The following HUWE1 variants were observed in gnomAD, a reference collection of about 807,000 sequenced individuals.
HUWE1 encodes the protein HECT, UBA and WWE domain containing E3 ubiquitin protein ligase 1.
HUWE1 carries 18 observed loss-of-function variants against 299.4 expected under a neutral mutation model. The ratio of observed to expected loss-of-function variants is 0.06; its 90% CI spans 0.04 to 0.09. The LOEUF (loss-of-function observed/expected upper bound fraction) is 0.09. Ranked by LOEUF, HUWE1 falls within the 10% of genes least tolerant of loss-of-function variation. HUWE1 has a pLI of 1.00. For missense variants in HUWE1, 1,832 were observed against 3,462.3 expected (o/e 0.53, Z 11.82); for synonymous variants, 1,317 against 1,286.1 (o/e 1.02, Z -0.51).
chrX:53,644,171 T>C (rs1244888618), intron 7 of HUWE1, among the ~76,000 whole-genome samples: 4 of 112,479 alleles, frequency 3.6e-5, no homozygotes, highest in Non-Finnish European at 7.5e-5. Flanking sequence ...TCTTTTCTGT[T>C]GGTTAGCATC....
At chrX:53,604,034 C>T (rs1263770407) in intron 26 of HUWE1, among the ~76,000 whole-genome samples, 1 of 111,455 alleles carries the variant, frequency 9.0e-6, no homozygotes, top group East Asian at 2.8e-4. Context: ...TAACAGAGAA[C>T]ACACTCCTGC....
chrX:53,607,756 C>T (rs1254814370), intron 24 of HUWE1, 57 bp from the exon 25 acceptor site: 3 of 799,141 alleles, frequency 3.8e-6, no homozygotes, highest in Non-Finnish European at 5.6e-6. Flanking sequence ...ACTAAATGGC[C>T]AGCCTGGAAT....
At chrX:53,625,085 G>C in intron 18 of HUWE1, 72 bp downstream of exon 18, 1 of 678,029 alleles carries the variant, frequency 1.5e-6, no homozygotes, top group Non-Finnish European at 2.4e-6. Flanking sequence ...ACAGGTGCCA[G>C]AATAGTATGA....
At chrX:53,675,627 TGTTAA>T (rs1384892661) in intron 3 of HUWE1, among the ~76,000 whole-genome samples, 1 of 111,388 alleles carries the variant, frequency 9.0e-6, no homozygotes, top group Non-Finnish European at 1.9e-5. Flanking sequence ...GTAAATGTTA[TGTTAA>T]AAGAAAAAAA....
In HUWE1 at chrX:53,593,568, T is replaced by A; in HGVS notation, c.3537A>T (p.Lys1179Asn). 8.3e-7 allele frequency: 1 copy of A among 1,209,228 alleles called. No homozygotes were observed. Among genetic ancestry groups the A allele is most frequent in the Non-Finnish European group, 1.1e-6 (1 of 893,124 alleles). The change falls in exon 32 of 84, where the codon AAA (lysine) becomes AAT (asparagine). Residue 1179 changes from lysine to asparagine, a missense_variant. Coordinates refer to ENST00000262854, the MANE Select transcript of HUWE1 (RefSeq NM_031407.7). ...TFNWALSMGG[K>N]VPVSEGLEHS... The stretch of plus-strand genomic sequence containing the variant: ...GTTCCAATCCCTCAGAAACAGGAAC[T>A]TTACCTCCCATGGACAGAGCCCAGT...
At chrX:53,558,081 T>C (rs2062111041) in intron 59 of HUWE1, among the ~76,000 whole-genome samples, 1 of 112,116 alleles carries the variant, frequency 8.9e-6, no homozygotes, top group Non-Finnish European at 1.9e-5. Context: ...TACTCAGACA[T>C]TTAAAAGATC....
intron 25 of HUWE1, among the ~76,000 whole-genome samples, chrX:53,606,827 G>C (rs781979152): frequency 1.8e-5 from 2 of 111,211 alleles, no homozygotes; most frequent in Non-Finnish European, 3.8e-5. Context: ...TGGGGAGAGG[G>C]GAGGATGAGA....
chrX:53,535,373 A>G lies in HUWE1; in HGVS notation c.12649+11T>C, dbSNP rs782301249. Reference sequence around the variant, plus strand: ...ATTGAGCAACTAGAGGTCTAGGAACATTTCCCCTACCTGTCATTCTCATCT... The same window carrying G: ...ATTGAGCAACTAGAGGTCTAGGAACGTTTCCCCTACCTGTCATTCTCATCT... On this transcript the variant is annotated intron_variant, in intron 81 of 83. Transcript: ENST00000262854. 4 of 1,069,101 alleles carry G rather than the reference A, an allele frequency of 3.7e-6. No individual in the cohort carries two copies. Among genetic ancestry groups the G allele is most frequent in the Non-Finnish European group, 3.9e-6 (3 of 766,538 alleles). 88.1% of individuals were successfully genotyped at this position (1,069,101 alleles called of 1,213,427 possible).
At position 53,537,678 on chromosome X, in the gene HUWE1, C is replaced by T; in HGVS notation, c.12015G>A (p.Leu4005=). The change falls in exon 78 of 84, where the codon CTG becomes CTA. Residue 4005 remains leucine (L), a synonymous_variant. Transcript: ENST00000262854. ...TCCGGAGCCCCTCATCTAAACGCTC[C>T]AGCTCTTGGCGGAAATATCTTGGGA... ...DVKRKYFRQE[L]ERLDEGLRKE... 1.1e-5 allele frequency: 13 copies of T among 1,208,855 alleles called. No individual in the cohort carries two copies. The highest frequency in any genetic ancestry group is 1.5e-5 in the Non-Finnish European group (13 of 893,968).
At chrX:53,593,281 T>G (rs2064262912) in intron 32 of HUWE1, 83 bp downstream of exon 32, 1 of 705,205 alleles carries the variant, frequency 1.4e-6, no homozygotes, top group Non-Finnish European at 2.3e-6. Context: ...AATAAGCATG[T>G]TATTTCATTA....
intron 61 of HUWE1, 145 bp downstream of exon 61, chrX:53,554,488 G>T: frequency 1.7e-6 from 1 of 573,095 alleles, no homozygotes; most frequent in Non-Finnish European, 2.8e-6. Flanking sequence ...CTTCACTTAA[G>T]AAAGTGAATG....
chrX:53,626,467 CTGAA>C (rs1569498785), intron 17 of HUWE1, among the ~76,000 whole-genome samples: 1 of 111,538 alleles, frequency 9.0e-6, no homozygotes, highest in East Asian at 2.8e-4. Flanking sequence ...CTATGAAACA[CTGAA>C]TGAGCAATGC....
intron 3 of HUWE1, among the ~76,000 whole-genome samples, chrX:53,657,610 TTATA>T (rs1269267891): frequency 8.9e-6 from 1 of 112,041 alleles, no homozygotes; most frequent in Non-Finnish European, 1.9e-5. Flanking sequence ...GAAATAAAAA[TTATA>T]AAGATTGGGA....
chrX:53,559,388 A>G lies in HUWE1; in HGVS notation c.7881T>C (p.Phe2627=). The G allele has an allele frequency of 2.5e-6, 3 of 1,211,646 alleles. No homozygotes were observed. Among genetic ancestry groups the G allele is most frequent in the Non-Finnish European group, 3.4e-6 (3 of 895,433 alleles). ...ARSDDELLDD[F]FHDQSTATSQ... The stretch of plus-strand genomic sequence containing the variant: ...TGGTAGCTGTGCTCTGATCATGGAA[A>G]AAGTCATCCAGCAGCTCATCATCAG... The change falls in exon 57 of 84, where the codon TTT becomes TTC. Residue 2627 remains phenylalanine, a synonymous_variant. Transcript: ENST00000262854.
Position 53,552,370 on chromosome X carries a change from C to T in HUWE1, c.8822G>A (p.Arg2941Gln), listed in dbSNP as rs1410756224. The change falls in exon 63 of 84, where the codon CGA becomes CAA. Residue 2941 changes from arginine to glutamine, a missense_variant. Transcript: ENST00000262854. ...SAVAISGADS[R>Q]GILEEPLPST... ...AGGCAACGGCTCTTCTAGGATTCCTCGGGAATCTGCTCCAGAAATGGCCAC... is the reference window on the plus strand; with the variant it reads ...AGGCAACGGCTCTTCTAGGATTCCTTGGGAATCTGCTCCAGAAATGGCCAC... The T allele has an allele frequency of 1.5e-5, 18 of 1,209,279 alleles. No homozygotes were observed. Among genetic ancestry groups the T allele is most frequent in the Middle Eastern group, 2.3e-4 (1 of 4,370 alleles).
chrX:53,574,209 A>G (rs1178262722), intron 46 of HUWE1, among the ~76,000 whole-genome samples: 1 of 111,626 alleles, frequency 9.0e-6, no homozygotes, highest in Non-Finnish European at 1.9e-5. Flanking sequence ...CCCTCCTTTT[A>G]CATACTCCAG....
At chrX:53,552,517 C>T (rs1241899780) in intron 62 of HUWE1, 76 bp from the exon 63 acceptor site, 1 of 1,198,803 alleles carries the variant, frequency 8.3e-7, no homozygotes, top group Non-Finnish European at 1.1e-6. Context: ...ATACCCCTTT[C>T]TCACAGAAAC....
At chrX:53,543,659 C>G (rs2061441474) in intron 73 of HUWE1, 182 bp downstream of exon 73, 1 of 696,189 alleles carries the variant, frequency 1.4e-6, no homozygotes, top group Non-Finnish European at 2.1e-6. Context: ...TCAAATCAAA[C>G]CAACAAACCA....
chrX:53,663,542 A>T (rs1017906035), intron 3 of HUWE1, among the ~76,000 whole-genome samples: 1 of 110,883 alleles, frequency 9.0e-6, no homozygotes, highest in African/African-American at 3.3e-5. Context: ...ATAGGCTGTA[A>T]ATGGAAGCAG....
Sources: allele counts gnomAD v4.1 joint callset (sites outside exome capture counted in the v4.1 genomes callset), GRCh38; gene constraint gnomAD v4.1.1; transcripts MANE v1.5; gene names NCBI Gene and HGNC (gene_info 2026-07-23, HGNC 2026-07-21).